TTC39A: variants seen among roughly 807,000 people sequenced by gnomAD.
TTC39A encodes the protein tetratricopeptide repeat domain 39A.
In TTC39A, 46 loss-of-function variants were observed where a neutral mutation model predicts 82.3. The ratio of observed to expected loss-of-function variants is 0.56; its 90% CI spans 0.44 to 0.71. TTC39A has a LOEUF of 0.71. Among genes scored for constraint, TTC39A ranks in the 30% least tolerant of loss-of-function variants. TTC39A has a pLI of 0.00. For missense variants in TTC39A, 543 were observed against 712.9 expected (o/e 0.76, Z 2.71); for synonymous variants, 254 against 275.2 (o/e 0.92, Z 0.76).
chr1:51,296,459 C>A (rs1281737904), intron 12 of TTC39A, among the ~76,000 whole-genome samples: 1 of 152,224 alleles, frequency 6.6e-6, no homozygotes, highest in Non-Finnish European at 1.5e-5. Context: ...AGGACAGGGG[C>A]GCACTCGGGG....
intron 1 of TTC39A, among the ~76,000 whole-genome samples, chr1:51,323,758 T>C (rs990831753): frequency 2.0e-5 from 3 of 152,208 alleles, no homozygotes; most frequent in Non-Finnish European, 4.4e-5. Context: ...TTATTTGGGG[T>C]AGTATTATGT....
intron 15 of TTC39A, 150 bp downstream of exon 15, chr1:51,290,364 A>T (rs988997242): frequency 1.3e-6 from 1 of 791,440 alleles, no homozygotes; most frequent in South Asian, 1.9e-5. Flanking sequence ...CCAGGTGGAC[A>T]AGGAACAGCT....
At chr1:51,303,298 T>G in intron 8 of TTC39A, 106 bp from the exon 9 acceptor site, 1 of 966,404 alleles carries the variant, frequency 1.0e-6, no homozygotes. Flanking sequence ...GGAAGAGCAC[T>G]GGAACCCTGG....
chr1:51,290,642 A>G lies in TTC39A; in HGVS notation c.1267-17T>C, dbSNP rs773120177. On this transcript the variant is annotated splice_polypyrimidine_tract_variant and intron_variant, in intron 14 of 17. Coordinates refer to ENST00000680483, the MANE Select transcript of TTC39A (RefSeq NM_001297663.2). ...CATCATTTCCTGAAGGCAGGGGGGC[A>G]AGTCAGTCCTAGGTTTCTTCCCTAA... is the stretch of plus-strand genomic sequence containing the variant. The G allele has an allele frequency of 6.2e-7, 1 of 1,604,830 alleles. No individual in the cohort carries two copies. The highest frequency in any genetic ancestry group is 1.1e-5 in the South Asian group (1 of 89,540).
chr1:51,320,048 G>C (rs1645437410), intron 2 of TTC39A, among the ~76,000 whole-genome samples: 1 of 152,058 alleles, frequency 6.6e-6, no homozygotes, highest in African/African-American at 2.4e-5. Flanking sequence ...CAAGAGACAA[G>C]ACCTGGAATC....
intron 12 of TTC39A, chr1:51,299,170 A>G (rs888406224): frequency 1.3e-5 from 2 of 152,238 alleles, no homozygotes; most frequent in Non-Finnish European, 2.9e-5. Context: ...GCCTTTAATC[A>G]TCATGCGGAG....
chr1:51,314,334 G>A (rs554590773), intron 2 of TTC39A, among the ~76,000 whole-genome samples: 1 of 152,292 alleles, frequency 6.6e-6, no homozygotes, highest in African/African-American at 2.4e-5. Context: ...CCGGGTCCCT[G>A]CGAGACTGTG....
chr1:51,345,040 C>A (rs1646081193), exon 1 of TTC39A: 5 of 1,489,588 alleles, frequency 3.4e-6, no homozygotes, highest in African/African-American at 2.9e-5. Context: ...GTCAGAAAGG[C>A]CATGGGCGCG....
At chr1:51,318,501 C>G (rs1645378671) in intron 2 of TTC39A, among the ~76,000 whole-genome samples, 1 of 152,144 alleles carries the variant, frequency 6.6e-6, no homozygotes, top group Admixed American at 6.5e-5. Context: ...ACACCCACCC[C>G]ACCCCAGAAG....
chr1:51,302,700 C>T, intron 9 of TTC39A, 127 bp from the exon 10 acceptor site: 1 of 1,032,778 alleles, frequency 9.7e-7, no homozygotes. Context: ...ATAATTCTCC[C>T]TGTCCCTAGG....
At position 51,302,350 on chromosome 1, in the gene TTC39A, C is replaced by A. The variant is rs767700297; in HGVS notation, c.891+7G>T. Reference sequence around the variant, plus strand: ...CCCCAGCCCCGGCCCGGACCCCCATCACTCACTGCATCAATGTTGCCTTTA... The same window carrying A: ...CCCCAGCCCCGGCCCGGACCCCCATAACTCACTGCATCAATGTTGCCTTTA... On this transcript the variant is annotated splice_region_variant and intron_variant, in intron 11 of 17. Transcript: ENST00000680483. 6 of 1,599,054 alleles carry A rather than the reference C, an allele frequency of 3.8e-6. No individual in the cohort carries two copies. The South Asian group carries it at 6.8e-5, about 18-fold the overall frequency.
At chr1:51,297,174 G>A (rs79492354) in intron 12 of TTC39A, 4,845 of 151,766 alleles carry the variant, frequency 0.032, 131 homozygotes, top group Non-Finnish European at 0.049. Context: ...CGTGGGCCAC[G>A]GCGGGAAGAG....
intron 4 of TTC39A, 127 bp from the exon 5 acceptor site, chr1:51,311,448 C>A: frequency 2.6e-6 from 2 of 766,672 alleles, no homozygotes; most frequent in African/African-American, 1.7e-5. Flanking sequence ...CTGTCCCCTA[C>A]CTCGTCACCC....
At chr1:51,322,365 C>T (rs1276661822) in intron 1 of TTC39A, 2 of 1,210,300 alleles carry the variant, frequency 1.7e-6, no homozygotes, top group African/African-American at 3.1e-5. Context: ...GCCAATGGCT[C>T]CTCCAGAATA....
In TTC39A at chr1:51,294,473, G is replaced by A. The variant is rs921602620; in HGVS notation, c.1184C>T (p.Ser395Phe). 6.2e-6 allele frequency: 10 copies of A among 1,614,010 alleles called. No homozygotes were observed. Among genetic ancestry groups the A allele is most frequent in the Non-Finnish European group, 8.5e-6 (10 of 1,179,890 alleles). ...GATGGCAAACTTCTCTGTGGGTAGAGATTTCCCAGCAATCTTGAGCTTCAG... is the reference window on the plus strand; with the variant it reads ...GATGGCAAACTTCTCTGTGGGTAGAAATTTCCCAGCAATCTTGAGCTTCAG... ...PGLKLKIAGK[S>F]LPTEKFAIRK... The change falls in exon 14 of 18, where the codon TCT (serine) becomes TTT (phenylalanine). Residue 395 changes from serine (S) to phenylalanine (F), a missense_variant. Transcript: ENST00000680483. The surrounding 1 kb of genome is among the most constrained non-coding windows in gnomAD (Gnocchi z 4.3).
chr1:51,309,504 C>T, intron 5 of TTC39A, 179 bp from the exon 6 acceptor site: 1 of 1,417,724 alleles, frequency 7.1e-7, no homozygotes, highest in Non-Finnish European at 9.3e-7. Context: ...TCTAAAATGC[C>T]CAGGGTTGGA....
upstream of TTC39A, chr1:51,330,990 C>T (rs74080536): frequency 0.017 from 11,634 of 672,302 alleles, 834 homozygotes; most frequent in African/African-American, 0.17. The surrounding 1 kb of genome is among the most constrained non-coding windows in gnomAD (Gnocchi z 4.5). Context: ...CACCATCTCG[C>T]CCACTGAGTG....
intron 1 of TTC39A, among the ~76,000 whole-genome samples, chr1:51,342,086 T>G (rs903120957): frequency 3.3e-5 from 5 of 152,218 alleles, no homozygotes; most frequent in African/African-American, 1.2e-4. Flanking sequence ...CATCCCCTTT[T>G]ATTTTTGGTG....
chr1:51,318,020 G>C (rs1645357797), intron 2 of TTC39A, among the ~76,000 whole-genome samples: 1 of 152,340 alleles, frequency 6.6e-6, no homozygotes, highest in South Asian at 2.1e-4. Context: ...GACAGCTCGA[G>C]GACCCAGGCA....
Sources: allele counts gnomAD v4.1 joint callset (sites outside exome capture counted in the v4.1 genomes callset), GRCh38; gene constraint gnomAD v4.1.1; non-coding constraint Gnocchi (gnomAD v3.1); transcripts MANE v1.5; gene names NCBI Gene and HGNC (gene_info 2026-07-23, HGNC 2026-07-21).